Variants in TENM4 observed in about 807,000 individuals in gnomAD.
The protein encoded by TENM4 is teneurin transmembrane protein 4.
In TENM4, 82 loss-of-function variants were observed where a neutral mutation model predicts 243.3. The ratio of observed to expected loss-of-function variants is 0.34; its 90% CI spans 0.28 to 0.40. The LOEUF (loss-of-function observed/expected upper bound fraction) is 0.40, where lower values mean the gene tolerates loss of function less well. TENM4 is among the 10% of genes least tolerant of loss of function. TENM4 has a pLI of 1.00. For missense variants in TENM4, 3,138 were observed against 3,673.3 expected (o/e 0.85, Z 3.77); for synonymous variants, 1,412 against 1,456.3 (o/e 0.97, Z 0.69).
intron 1 of TENM4, among the ~76,000 whole-genome samples, chr11:79,378,078 T>G (rs968985478): frequency 6.6e-6 from 1 of 152,254 alleles, no homozygotes; most frequent in African/African-American, 2.4e-5. Flanking sequence ...CCCACTGGTC[T>G]AAAATTTTTA....
chr11:78,849,556 A>C (rs1858482937), intron 12 of TENM4, among the ~76,000 whole-genome samples: 1 of 152,248 alleles, frequency 6.6e-6, no homozygotes. Flanking sequence ...CATGGTCCTC[A>C]ACACACAATA....
At chr11:78,872,170 T>C (rs1031946271) in intron 9 of TENM4, among the ~76,000 whole-genome samples, 1 of 152,202 alleles carries the variant, frequency 6.6e-6, no homozygotes, top group African/African-American at 2.4e-5. Context: ...TGATGCCAGA[T>C]ATGAAGTTCT....
intron 1 of TENM4, among the ~76,000 whole-genome samples, chr11:79,367,042 G>T (rs1429107580): frequency 1.3e-5 from 2 of 152,152 alleles, no homozygotes; most frequent in Non-Finnish European, 2.9e-5. Flanking sequence ...TGCTACAAAA[G>T]ATGAACACTA....
chr11:79,343,103 C>A (rs1227517838), intron 1 of TENM4, among the ~76,000 whole-genome samples: 16 of 152,244 alleles, frequency 1.1e-4, no homozygotes, highest in Admixed American at 9.8e-4. Flanking sequence ...TCTCTGCAGC[C>A]AACCCCTAGC....
chr11:78,733,056 A>G (rs962064661), intron 20 of TENM4, among the ~76,000 whole-genome samples: 2 of 152,192 alleles, frequency 1.3e-5, no homozygotes, highest in African/African-American at 4.8e-5. Context: ...GTAAAATGCA[A>G]AGGCTCAAAT....
intron 12 of TENM4, among the ~76,000 whole-genome samples, chr11:78,850,415 C>A (rs1369284893): frequency 6.6e-6 from 1 of 152,114 alleles, no homozygotes; most frequent in Non-Finnish European, 1.5e-5. Flanking sequence ...GTGTGTTAAG[C>A]AAACCCGAGA....
chr11:79,098,656 A>G (rs1371461676), intron 4 of TENM4, among the ~76,000 whole-genome samples: 2 of 152,204 alleles, frequency 1.3e-5, no homozygotes, highest in East Asian at 1.9e-4. Flanking sequence ...CGAAAAGTGT[A>G]CATCCAAACC....
chr11:79,173,455 T>G (rs1031687180), intron 3 of TENM4, among the ~76,000 whole-genome samples: 21 of 152,182 alleles, frequency 1.4e-4, no homozygotes, highest in African/African-American at 4.8e-4. Context: ...GCTTATCCTC[T>G]GCCTCATCCA....
At chr11:78,794,435 T>C (rs1177180135) in intron 15 of TENM4, among the ~76,000 whole-genome samples, 1 of 152,192 alleles carries the variant, frequency 6.6e-6, no homozygotes, top group Non-Finnish European at 1.5e-5. Context: ...GGCGGGAATC[T>C]CCCTGGAGCA....
intron 4 of TENM4, among the ~76,000 whole-genome samples, chr11:79,107,567 C>T (rs1179363558): frequency 6.6e-6 from 1 of 152,144 alleles, no homozygotes. Flanking sequence ...GTCAATGTTC[C>T]CTGATTCAGC....
intron 3 of TENM4, among the ~76,000 whole-genome samples, chr11:79,158,885 T>G (rs569418308): frequency 6.6e-6 from 1 of 152,110 alleles, no homozygotes; most frequent in Non-Finnish European, 1.5e-5. Flanking sequence ...GGAGAAGTAC[T>G]CCTCCTCAGA....
In TENM4 at chr11:78,658,421, C is replaced by T. The variant is rs1214403394; in HGVS notation, c.7947G>A (p.Val2649=). ...CATTAAGTACTGTGTTGATCTGGGA[C>T]ACAGTGACGTTGACCCCATTCTCCA... The part of the protein sequence containing the change: ...RTLENGVNVT[V]SQINTVLNGR... The change falls in exon 34 of 34, where the codon GTG becomes GTA. Residue 2649 remains valine, a synonymous_variant. Coordinates refer to ENST00000278550, the MANE Select transcript of TENM4 (RefSeq NM_001098816.3). 2.5e-6 allele frequency: 4 copies of T among 1,613,816 alleles called. 1 individual carries two copies. The South Asian group carries it at 4.4e-5, about 18-fold the overall frequency.
At chr11:79,006,995 G>C (rs1404955760) in intron 6 of TENM4, among the ~76,000 whole-genome samples, 1 of 152,156 alleles carries the variant, frequency 6.6e-6, no homozygotes, top group Non-Finnish European at 1.5e-5. Flanking sequence ...GAATAAAACA[G>C]AAGACTGAAC....
intron 28 of TENM4, among the ~76,000 whole-genome samples, chr11:78,689,910 C>T (rs1252197381): frequency 2.0e-5 from 3 of 152,150 alleles, no homozygotes; most frequent in Non-Finnish European, 1.5e-5. Flanking sequence ...GGCCGGTGGC[C>T]TTTGGGGAAG....
intron 1 of TENM4, among the ~76,000 whole-genome samples, chr11:79,389,063 G>A (rs1334073080): frequency 6.6e-6 from 1 of 152,236 alleles, no homozygotes; most frequent in Non-Finnish European, 1.5e-5. Context: ...GGCCAGCAGT[G>A]CTCAGTACTG....
In TENM4 at chr11:79,131,113, A is replaced by G. The variant is rs77057600; in HGVS notation, c.-66+17597T>C. 1.1e-4 allele frequency among the ~76,000 whole-genome samples: 16 copies of G among 152,272 alleles called. No homozygotes were observed. In the East Asian group the frequency reaches 2.9e-3, roughly 28 times the overall value. On this transcript the variant is annotated intron_variant, in intron 4 of 33. Transcript: ENST00000278550. ...AAAGCTTGGAAAACATATTTGGGGG[A>G]ATAATTGAGGAAAACTTCCCTGGCC... is the stretch of plus-strand genomic sequence containing the variant.
chr11:79,374,352 T>C (rs983431194), intron 1 of TENM4, among the ~76,000 whole-genome samples: 1 of 152,124 alleles, frequency 6.6e-6, no homozygotes, highest in Non-Finnish European at 1.5e-5. Flanking sequence ...TCTTTATACA[T>C]AAATTTGCAC....
Position 79,373,525 on chromosome 11 carries a change from G to C in TENM4, c.-321+66984C>G, listed in dbSNP as rs556410229. Among the ~76,000 whole-genome samples, 70 of 152,240 alleles carry C rather than the reference G, an allele frequency of 4.6e-4. 1 individual carries two copies. The highest frequency in any genetic ancestry group is 1.7e-3 in the African/African-American group (69 of 41,540). On this transcript the variant is annotated intron_variant, in intron 1 of 33. Coordinates refer to ENST00000278550, the MANE Select transcript of TENM4 (RefSeq NM_001098816.3). ...GAATGAATTCATGGGTAGATACATG[G>C]GTGGGTGGGTGGATGGATAGTCAGG...
chr11:78,900,846 C>T (rs1189118003), intron 7 of TENM4, among the ~76,000 whole-genome samples: 2 of 152,186 alleles, frequency 1.3e-5, no homozygotes, highest in African/African-American at 4.8e-5. Flanking sequence ...CCCTCCTAAA[C>T]CGTGCCTTGT....
Sources: allele counts gnomAD v4.1 joint callset (sites outside exome capture counted in the v4.1 genomes callset), GRCh38; gene constraint gnomAD v4.1.1; transcripts MANE v1.5; gene names NCBI Gene and HGNC (gene_info 2026-07-23, HGNC 2026-07-21).